RIMS2: variants seen among roughly 807,000 people sequenced by gnomAD.
RIMS2 encodes regulating synaptic membrane exocytosis 2.
In RIMS2, 59 loss-of-function variants were observed where a neutral mutation model predicts 174.4. That is an observed-to-expected ratio of 0.34 (90% CI 0.27 to 0.42). The LOEUF (loss-of-function observed/expected upper bound fraction) is 0.42, where lower values mean the gene tolerates loss of function less well. RIMS2 is among the 10% of genes least tolerant of loss of function. The pLI, the probability that RIMS2 is intolerant of heterozygous loss-of-function variation, is 1.00. For missense variants in RIMS2, 1,620 were observed against 1,666.3 expected, an observed-to-expected ratio of 0.97 and a Z score of 0.48; for synonymous variants, 606 against 572.5, an observed-to-expected ratio of 1.06 and a Z score of -0.84.
intron 16 of RIMS2, among the ~76,000 whole-genome samples, chr8:103,986,026 A>C (rs1266366357): frequency 1.3e-5 from 2 of 152,200 alleles, no homozygotes; most frequent in African/African-American, 4.8e-5. Flanking sequence ...CAAGAGATCT[A>C]TTGTATATAA....
chr8:103,879,838 A>G lies in RIMS2; in HGVS notation c.699-5460A>G, dbSNP rs1333527567. Among the ~76,000 whole-genome samples, 4 of 151,802 alleles carry G rather than the reference A, an allele frequency of 2.6e-5. No individual in the cohort carries two copies. In the East Asian group the frequency reaches 7.8e-4, roughly 29 times the overall value. On this transcript the variant is annotated intron_variant, in intron 3 of 23. Transcript: ENST00000504942. ...ATATAACTTTCAGAGTAGTAATATTAGTATCCAGATAACTGGCTTTTGCTA... is the reference window on the plus strand; with the variant it reads ...ATATAACTTTCAGAGTAGTAATATTGGTATCCAGATAACTGGCTTTTGCTA...
rs565265069 is a variant in RIMS2, at chr8:103,971,667, G to A, written c.2771-3683G>A. Among the ~76,000 whole-genome samples, 5 of 152,098 alleles carry A rather than the reference G, an allele frequency of 3.3e-5. No homozygotes were observed. In the South Asian group the frequency reaches 1.0e-3, roughly 32 times the overall value. ...GCTCACTGCAACCTCCACCTCCCGG[G>A]TTCAAGCAATGCGTCTGCCTCAGCC... On this transcript the variant is annotated intron_variant, in intron 15 of 23. Coordinates refer to ENST00000504942, the Ensembl canonical transcript of RIMS2.
At chr8:104,044,638 A>G (rs536071737) in intron 19 of RIMS2, among the ~76,000 whole-genome samples, 2 of 151,894 alleles carry the variant, frequency 1.3e-5, no homozygotes. Context: ...ATAGTTAACT[A>G]AACATAATTT....
intron 4 of RIMS2, among the ~76,000 whole-genome samples, chr8:103,909,295 T>C (rs1239089613): frequency 6.6e-6 from 1 of 151,988 alleles, no homozygotes; most frequent in African/African-American, 2.4e-5. Flanking sequence ...TGTACATATA[T>C]AGACTAAAAA....
chr8:104,026,282 G>T (rs2096255506), intron 19 of RIMS2, among the ~76,000 whole-genome samples: 2 of 152,188 alleles, frequency 1.3e-5, no homozygotes, highest in Non-Finnish European at 2.9e-5. Flanking sequence ...CTCTAGGCCA[G>T]AGAACTGTTT....
intron 3 of RIMS2, among the ~76,000 whole-genome samples, chr8:103,838,830 C>G (rs1053978681): frequency 3.9e-5 from 6 of 152,170 alleles, no homozygotes; most frequent in African/African-American, 1.4e-4. Flanking sequence ...CTTTGGGAGG[C>G]CGAGGCGGGC....
chr8:103,859,465 G>C (rs993797132), intron 3 of RIMS2, among the ~76,000 whole-genome samples: 1 of 152,092 alleles, frequency 6.6e-6, no homozygotes, highest in Non-Finnish European at 1.5e-5. Context: ...CTAACAGAAA[G>C]GGGATGATAG....
At chr8:103,904,237 C>T (rs2073883449) in intron 4 of RIMS2, among the ~76,000 whole-genome samples, 1 of 151,842 alleles carries the variant, frequency 6.6e-6, no homozygotes, top group Admixed American at 6.6e-5. Flanking sequence ...CATATAATGC[C>T]CTTGAGGTCT....
At chr8:103,575,683 C>CATATATAT (rs371156171) in intron 1 of RIMS2, among the ~76,000 whole-genome samples, 31 of 145,844 alleles carry the variant, frequency 2.1e-4, no homozygotes, top group East Asian at 4.1e-4. Flanking sequence ...CACACACACA[C>CATATATAT]ACATATATAT....
intron 16 of RIMS2, among the ~76,000 whole-genome samples, chr8:103,982,771 A>G (rs2154549427): frequency 6.6e-6 from 1 of 152,330 alleles, no homozygotes; most frequent in Admixed American, 6.5e-5. Flanking sequence ...AAAGCCATAT[A>G]CAACAGACTC....
chr8:103,628,328 T>A (rs1309814440), intron 1 of RIMS2, among the ~76,000 whole-genome samples: 5 of 148,518 alleles, frequency 3.4e-5, no homozygotes, highest in Non-Finnish European at 7.4e-5. Flanking sequence ...AGAAAACCCC[T>A]GGGAGTGAGT....
At chr8:103,667,605 G>A (rs1293111499) in intron 1 of RIMS2, among the ~76,000 whole-genome samples, 1 of 152,156 alleles carries the variant, frequency 6.6e-6, no homozygotes, top group East Asian at 1.9e-4. Context: ...AAGGTTGGCT[G>A]CAAAATCCCC....
At chr8:104,215,726 C>G (rs1042426184) in intron 19 of RIMS2, among the ~76,000 whole-genome samples, 1 of 152,160 alleles carries the variant, frequency 6.6e-6, no homozygotes, top group Non-Finnish European at 1.5e-5. Context: ...ATGAATTTAT[C>G]ACAAAGCTGG....
At chr8:103,548,924 C>G (rs1026310383) in intron 1 of RIMS2, among the ~76,000 whole-genome samples, 1 of 151,844 alleles carries the variant, frequency 6.6e-6, no homozygotes. Flanking sequence ...TCAGAGTAAC[C>G]ACAAAAAGAA....
intron 23 of RIMS2, 104 bp downstream of exon 29, chr8:104,251,267 A>G: frequency 1.9e-6 from 2 of 1,049,412 alleles, no homozygotes; most frequent in South Asian, 3.4e-5. Flanking sequence ...TTCCTCACAA[A>G]GGAAATTCTT....
At chr8:103,984,466 T>C (rs919621697) in intron 16 of RIMS2, among the ~76,000 whole-genome samples, 7 of 152,204 alleles carry the variant, frequency 4.6e-5, no homozygotes, top group East Asian at 3.8e-4. Context: ...CTCAACATCA[T>C]TGATCATCAG....
At chr8:103,945,172 T>C (rs984155593) in intron 14 of RIMS2, among the ~76,000 whole-genome samples, 2 of 151,994 alleles carry the variant, frequency 1.3e-5, no homozygotes, top group African/African-American at 4.8e-5. Context: ...AATTCCCCTT[T>C]GGGGAATTAC....
chr8:103,921,855 T>C, intron 10 of RIMS2, 71 bp downstream of exon 13: 1 of 643,746 alleles, frequency 1.6e-6, no homozygotes, highest in Non-Finnish European at 2.8e-6. Context: ...ATGCTTGTTT[T>C]TTACAAACCA....
intron 19 of RIMS2, among the ~76,000 whole-genome samples, chr8:104,016,976 T>A (rs2154554389): frequency 6.6e-6 from 1 of 152,166 alleles, no homozygotes; most frequent in East Asian, 1.9e-4. Context: ...ATTTTTTTTA[T>A]TTCATAAAAC....
Sources: allele counts gnomAD v4.1 joint callset (sites outside exome capture counted in the v4.1 genomes callset), GRCh38; gene constraint gnomAD v4.1.1; transcripts MANE v1.5; gene names NCBI Gene and HGNC (gene_info 2026-07-23, HGNC 2026-07-21).